CPM: variants seen among roughly 807,000 people sequenced by gnomAD.
CPM encodes carboxypeptidase M.
A neutral mutation model predicts 46.4 loss-of-function variants in CPM; 35 were observed. The ratio of observed to expected loss-of-function variants is 0.75; its 90% confidence interval spans 0.58 to 1.00. CPM has a LOEUF of 1.00. Ranked by LOEUF, CPM falls within the 50% of genes least tolerant of loss-of-function variation. CPM has a pLI of 0.00. For missense variants in CPM, 422 were observed against 530.4 expected (o/e 0.80, Z 2.01); for synonymous variants, 195 against 195.3 (o/e 1.00, Z 0.01).
intron 1 of CPM, among the ~76,000 whole-genome samples, chr12:68,960,462 G>T (rs938478888): frequency 6.6e-6 from 1 of 152,200 alleles, no homozygotes; most frequent in Non-Finnish European, 1.5e-5. Context: ...TCTAGTGTTA[G>T]TATTGCAGTG....
rs1884869076 is a variant in CPM at position 68,854,455 on chromosome 12, T to C, written c.*1982A>G. The C allele has an allele frequency of 1.3e-5, 2 of 152,092 alleles. No individual in the cohort carries two copies. Among genetic ancestry groups the C allele is most frequent in the African/African-American group, 4.8e-5 (2 of 41,396 alleles). 9.4% of individuals were successfully genotyped at this position (152,092 alleles called of 1,614,324 possible). ...TAAATCCAATAGTAGAGATAACCAG[T>C]TTATTTTGGGGAGCAAAGAGAAAGG... On this transcript the variant is annotated 3_prime_UTR_variant, in exon 9 of 9. Transcript: ENST00000551568.
At chr12:68,860,281 G>A (rs190331482) in intron 7 of CPM, among the ~76,000 whole-genome samples, 11 of 151,846 alleles carry the variant, frequency 7.2e-5, no homozygotes, top group South Asian at 2.1e-4. Context: ...TTTTCACTTC[G>A]TGTGTTCCTC....
At chr12:68,899,110 G>A (rs1172112287) in intron 2 of CPM, among the ~76,000 whole-genome samples, 1 of 152,152 alleles carries the variant, frequency 6.6e-6, no homozygotes, top group Non-Finnish European at 1.5e-5. Context: ...CAGAAGATCT[G>A]CACATCAGGT....
At chr12:68,922,265 A>G (rs1190135884) in intron 2 of CPM, among the ~76,000 whole-genome samples, 1 of 152,170 alleles carries the variant, frequency 6.6e-6, no homozygotes, top group African/African-American at 2.4e-5. Flanking sequence ...ACCTGCCTGT[A>G]TTTGTATATG....
intron 7 of CPM, 80 bp downstream of exon 7, chr12:68,866,816 C>T: frequency 1.7e-6 from 2 of 1,197,498 alleles, no homozygotes; most frequent in Non-Finnish European, 2.4e-6. Context: ...TAAATAAAGG[C>T]TTGCGTTTAG....
chr12:68,918,286 C>G (rs1887892574), intron 2 of CPM, among the ~76,000 whole-genome samples: 1 of 152,148 alleles, frequency 6.6e-6, no homozygotes, highest in Admixed American at 6.5e-5. Context: ...TATCTCTACT[C>G]TCTTGCTAGA....
At chr12:68,926,684 G>T (rs558629878) in intron 2 of CPM, among the ~76,000 whole-genome samples, 141 of 152,092 alleles carry the variant, frequency 9.3e-4, no homozygotes, top group Middle Eastern at 6.8e-3. Flanking sequence ...TTAGCATTAG[G>T]TATATCTCCT....
chr12:68,870,726 C>T (rs58899020), intron 4 of CPM, among the ~76,000 whole-genome samples: 16,925 of 152,208 alleles, frequency 0.11, 1,936 homozygotes, highest in African/African-American at 0.29. Context: ...GGAGAGTCCA[C>T]GGAGAGTCCA....
At chr12:68,892,752 G>A (rs1350442489) in intron 2 of CPM, among the ~76,000 whole-genome samples, 3 of 152,034 alleles carry the variant, frequency 2.0e-5, no homozygotes, top group Non-Finnish European at 2.9e-5. Flanking sequence ...CCAGCTATTC[G>A]GGAGGCTGAG....
chr12:68,843,778 A>G (rs1130177), intron 5 of CPM: 1 of 222,690 alleles, frequency 4.5e-6, no homozygotes, highest in Non-Finnish European at 9.0e-6. Context: ...TCCAAGCATT[A>G]TTTGGAGTTG....
At chr12:68,887,887 G>A (rs755368620) in intron 2 of CPM, among the ~76,000 whole-genome samples, 1 of 152,184 alleles carries the variant, frequency 6.6e-6, no homozygotes, top group Admixed American at 6.5e-5. Flanking sequence ...GAGTGATTCC[G>A]AGTTTGCCAT....
intron 2 of CPM, among the ~76,000 whole-genome samples, chr12:68,922,117 C>G (rs1240693621): frequency 6.6e-6 from 1 of 152,164 alleles, no homozygotes; most frequent in Non-Finnish European, 1.5e-5. Flanking sequence ...GAAGGAGATT[C>G]TGACTCTGCC....
chr12:68,862,840 G>C (rs1885270352), intron 7 of CPM, among the ~76,000 whole-genome samples: 1 of 149,706 alleles, frequency 6.7e-6, no homozygotes, highest in Non-Finnish European at 1.5e-5. Context: ...GACGCAGAGA[G>C]AGCCAACACT....
In CPM at chr12:68,856,347, G is replaced by C. The variant is rs776838628; in HGVS notation, c.*90C>G. The C allele has an allele frequency of 5.7e-5, 80 of 1,398,320 alleles. No homozygotes were observed. Among genetic ancestry groups the C allele is most frequent in the Non-Finnish European group, 6.7e-5 (69 of 1,022,830 alleles). 86.6% of individuals were successfully genotyped at this position (1,398,320 alleles called of 1,614,324 possible). On this transcript the variant is annotated 3_prime_UTR_variant, in exon 9 of 9. Transcript: ENST00000551568. ...AGATCGTGGAGTTTCTCCAGTCAAG[G>C]TCCCACTAGAGTGAGTTAGGGTTGC... is the stretch of plus-strand genomic sequence containing the variant.
At chr12:68,864,215 C>T (rs1217633704) in intron 7 of CPM, among the ~76,000 whole-genome samples, 2 of 152,180 alleles carry the variant, frequency 1.3e-5, no homozygotes, top group Non-Finnish European at 2.9e-5. Context: ...GAGGCCGAGG[C>T]CGGCGGATCA....
At chr12:68,859,267 A>G (rs1885109084) in intron 7 of CPM, among the ~76,000 whole-genome samples, 196 bp from the exon 8 acceptor site, 1 of 152,168 alleles carries the variant, frequency 6.6e-6, no homozygotes, top group South Asian at 2.1e-4. Context: ...TCTGATTTAT[A>G]GCTTAAATTT....
At position 68,852,314 on chromosome 12, in the gene CPM, A is replaced by G. The variant is rs77079246; in HGVS notation, c.*4123T>C. ...AGATTCAATCATGTCAACATTTACC[A>G]ACATTTGAGTAGGTATACTCTTTAA... On this transcript the variant is annotated 3_prime_UTR_variant, in exon 9 of 9. Coordinates refer to ENST00000551568, the MANE Select transcript of CPM (RefSeq NM_198320.5). 3.9e-3 allele frequency: 599 copies of G among 152,322 alleles called. 9 individuals are homozygous for G. The highest frequency in any genetic ancestry group is 0.014 in the African/African-American group (571 of 41,566). The allele number at this position is 152,322 out of a possible 1,614,324, so 9.4% of individuals were successfully genotyped here.
intron 2 of CPM, among the ~76,000 whole-genome samples, chr12:68,931,510 C>T (rs959935902): frequency 1.3e-5 from 2 of 151,666 alleles, no homozygotes; most frequent in African/African-American, 2.4e-5. Flanking sequence ...TTTGGGAGGC[C>T]GAAGCAGGAG....
At chr12:68,868,500 T>A (rs1368048687) in intron 6 of CPM, among the ~76,000 whole-genome samples, 1 of 152,132 alleles carries the variant, frequency 6.6e-6, no homozygotes, top group Non-Finnish European at 1.5e-5. Context: ...AGGGAATGTT[T>A]TCCCCTGAGG....
Sources: allele counts gnomAD v4.1 joint callset (sites outside exome capture counted in the v4.1 genomes callset), GRCh38; gene constraint gnomAD v4.1.1; transcripts MANE v1.5; gene names NCBI Gene and HGNC (gene_info 2026-07-23, HGNC 2026-07-21).